Variants in LYPD6B observed in about 807,000 individuals in gnomAD.
LYPD6B encodes LY6/PLAUR domain containing 6B.
Under a neutral mutation model 22.8 loss-of-function variants are expected in LYPD6B, and 17 were observed. The ratio of observed to expected loss-of-function variants is 0.75; its 90% CI spans 0.51 to 1.12. The LOEUF is 1.12. LYPD6B is among the 50% of genes most tolerant of loss of function. The pLI, the probability that LYPD6B is intolerant of heterozygous loss-of-function variation, is 0.00. For synonymous variants in LYPD6B, 106 were observed against 91.6 expected (o/e 1.16, Z -0.90); for missense variants, 221 against 258.3 (o/e 0.86, Z 0.99).
At chr2:149,194,239 T>C (rs1372962927) in intron 3 of LYPD6B, among the ~76,000 whole-genome samples, 1 of 152,222 alleles carries the variant, frequency 6.6e-6, no homozygotes, top group Non-Finnish European at 1.5e-5. Flanking sequence ...ATCATAACAA[T>C]TGCCCTTACA....
intron 5 of LYPD6B, among the ~76,000 whole-genome samples, chr2:149,209,638 C>T (rs1191791824): frequency 6.6e-6 from 1 of 152,196 alleles, no homozygotes; most frequent in Non-Finnish European, 1.5e-5. Flanking sequence ...CTTCCAGTTA[C>T]AGCCAATGTG....
intron 3 of LYPD6B, among the ~76,000 whole-genome samples, chr2:149,187,247 A>G (rs1468960735): frequency 6.6e-6 from 1 of 152,174 alleles, no homozygotes; most frequent in East Asian, 1.9e-4. Context: ...GAGATCACAA[A>G]AGGAAGCAGC....
chr2:149,075,011 TAAAG>T (rs1684816243), intron 1 of LYPD6B, among the ~76,000 whole-genome samples: 1 of 152,208 alleles, frequency 6.6e-6, no homozygotes, highest in African/African-American at 2.4e-5. Flanking sequence ...TTAATAATCT[TAAAG>T]AAAACAAAAT....
rs11369954 is a variant in LYPD6B at position 149,192,419 on chromosome 2, C to CTT, written c.78-12817_78-12816dup. ...TCTCAAGTGTTTGGCAGGGGCAAGT[C>CTT]TTTTTTTTTTTTTTTTTTAATTCTC... On this transcript the variant is annotated intron_variant, in intron 3 of 6. Transcript: ENST00000409642. Among the ~76,000 whole-genome samples the CTT allele has an allele frequency of 2.0e-3, 250 of 125,170 alleles. 2 individuals are homozygous for CTT. Among genetic ancestry groups the CTT allele is most frequent in the African/African-American group, 6.7e-3 (227 of 34,134 alleles). 82.1% of individuals were successfully genotyped at this position (125,170 alleles called of 152,430 possible).
intron 1 of LYPD6B, among the ~76,000 whole-genome samples, chr2:149,088,510 C>G (rs1263188032): frequency 1.6e-4 from 25 of 152,132 alleles, no homozygotes; most frequent in Admixed American, 1.6e-3. Flanking sequence ...CAAGGATTAC[C>G]TGGAAAGTGC....
chr2:149,046,761 G>T (rs1043993620), intron 1 of LYPD6B, among the ~76,000 whole-genome samples: 1 of 151,852 alleles, frequency 6.6e-6, no homozygotes. Flanking sequence ...TTCATTTGTA[G>T]TCTTATAGCA....
chr2:149,065,926 G>A (rs1239647069), intron 1 of LYPD6B, among the ~76,000 whole-genome samples: 2 of 151,996 alleles, frequency 1.3e-5, no homozygotes, highest in African/African-American at 4.8e-5. Flanking sequence ...TACTCAGGCT[G>A]GTTTGTAACT....
chr2:149,146,308 T>C (rs1417609580), intron 2 of LYPD6B, among the ~76,000 whole-genome samples: 2 of 151,474 alleles, frequency 1.3e-5, no homozygotes, highest in African/African-American at 4.9e-5. Flanking sequence ...GAGTGGTGCA[T>C]GCACTGAGAT....
At chr2:149,093,742 C>T (rs774028422) in intron 1 of LYPD6B, among the ~76,000 whole-genome samples, 1 of 152,300 alleles carries the variant, frequency 6.6e-6, no homozygotes, top group Non-Finnish European at 1.5e-5. Flanking sequence ...GCATTTCTTG[C>T]ATATATTCAG....
At chr2:149,180,128 C>CA (rs1691604938) in intron 3 of LYPD6B, among the ~76,000 whole-genome samples, 1 of 152,210 alleles carries the variant, frequency 6.6e-6, no homozygotes. Flanking sequence ...TCTGCGAAGA[C>CA]ACTTTGTCTG....
At chr2:149,093,178 G>A (rs370522336) in intron 1 of LYPD6B, among the ~76,000 whole-genome samples, 6 of 152,208 alleles carry the variant, frequency 3.9e-5, no homozygotes, top group African/African-American at 1.4e-4. Flanking sequence ...CAAGGATGAG[G>A]AAGAGCGTTT....
chr2:149,105,244 T>C (rs968425139), intron 1 of LYPD6B, among the ~76,000 whole-genome samples: 2 of 152,300 alleles, frequency 1.3e-5, no homozygotes, highest in African/African-American at 2.4e-5. Flanking sequence ...ACTGCAGCTA[T>C]GTGATAAGTC....
rs113244406 is a variant in LYPD6B at position 149,078,200 on chromosome 2, G to A, written c.-67+39399G>A. ...CATTTGTAGCAGCAGAAGAAACGCC[G>A]CCATCACCTTGCACCCTTGCCTCCC... On this transcript the variant is annotated intron_variant, in intron 1 of 6. Coordinates refer to ENST00000409642, the MANE Select transcript of LYPD6B (RefSeq NM_177964.5). 9.2e-3 allele frequency among the ~76,000 whole-genome samples: 1,401 copies of A among 152,258 alleles called. 17 individuals carry two copies. The highest frequency in any genetic ancestry group is 0.031 in the African/African-American group (1,289 of 41,552).
At position 149,154,006 on chromosome 2, in the gene LYPD6B, G is replaced by C. The variant is rs116342671; in HGVS notation, c.6-6758G>C. The C allele has an allele frequency of 1.1e-3, 1,060 of 923,172 alleles. 12 individuals carry two copies. In the African/African-American group the frequency reaches 0.018, roughly 16 times the overall value. 57.2% of individuals were successfully genotyped at this position (923,172 alleles called of 1,614,324 possible). A position where few individuals can be genotyped will look rare whatever the true frequency, so the allele number is the denominator to read the frequency against. On this transcript the variant is annotated intron_variant, in intron 2 of 6. Transcript: ENST00000409642. ...GACTCAAGAATTCAGCCTGGCTCCT[G>C]ACTAGGAGGATGGTGATTCTAATAA...
At chr2:149,169,063 G>T (rs1320544961) in intron 3 of LYPD6B, among the ~76,000 whole-genome samples, 1 of 152,080 alleles carries the variant, frequency 6.6e-6, no homozygotes, top group Non-Finnish European at 1.5e-5. Flanking sequence ...CCCTCAAAAA[G>T]GGTAAATTTG....
chr2:149,109,962 C>G (rs751313812), intron 1 of LYPD6B, among the ~76,000 whole-genome samples: 1 of 152,136 alleles, frequency 6.6e-6, no homozygotes, highest in Admixed American at 6.6e-5. Context: ...ACACCCATCT[C>G]GGCCTCCCAA....
chr2:149,185,996 C>T (rs563032233), intron 3 of LYPD6B, among the ~76,000 whole-genome samples: 1 of 152,336 alleles, frequency 6.6e-6, no homozygotes, highest in East Asian at 1.9e-4. Context: ...TCTTCCCCTC[C>T]TTGGGCTTCC....
intron 1 of LYPD6B, among the ~76,000 whole-genome samples, chr2:149,108,317 A>G (rs1307196934): frequency 1.3e-5 from 2 of 152,218 alleles, no homozygotes; most frequent in Non-Finnish European, 2.9e-5. Context: ...GGTATGTCTT[A>G]ATCAGCAGCA....
chr2:149,165,550 T>G (rs1043914242), intron 3 of LYPD6B, among the ~76,000 whole-genome samples: 7 of 152,202 alleles, frequency 4.6e-5, no homozygotes, highest in African/African-American at 1.7e-4. Flanking sequence ...AAGCAGGCAC[T>G]AATATTGTTT....
Sources: gnomAD v4.1 joint callset for allele counts (sites outside exome capture counted in the v4.1 genomes callset) on GRCh38, gnomAD v4.1.1 for gene constraint, MANE v1.5 for transcripts, NCBI Gene and HGNC (gene_info 2026-07-23, HGNC 2026-07-21) for gene names.